The following COL22A1 variants were observed in gnomAD, a reference collection of about 807,000 sequenced individuals.
The protein encoded by COL22A1 is collagen alpha-1(XXII) chain.
Under a neutral mutation model 248.9 loss-of-function variants are expected in COL22A1, and 221 were observed. The observed-to-expected ratio is 0.89, with a 90% CI of 0.80 to 0.99. COL22A1 has a LOEUF of 0.99. Ranked by LOEUF, COL22A1 falls within the 50% of genes least tolerant of loss-of-function variation. The pLI is 0.00. For synonymous variants in COL22A1, 891 were observed against 793.4 expected (o/e 1.12, Z -2.07); for missense variants, 2,240 against 2,179.0 (o/e 1.03, Z -0.56).
Position 138,878,045 on chromosome 8 carries a change from G to A in COL22A1, c.363C>T (p.Leu121=). 6.3e-7 allele frequency: 1 copy of A among 1,593,258 alleles called. No homozygotes were observed. Among genetic ancestry groups the A allele is most frequent in the Non-Finnish European group, 8.5e-7 (1 of 1,170,452 alleles). ...HGGNTNTGDA[L]RYITARSFSP... ...AGAAGCTGCGGGCCGTGATGTAGCG[G>A]AGCGCGTCTCCCGTGTTGGTGTTGC... is the stretch of plus-strand genomic sequence containing the variant. Residue 121 remains leucine (L), a synonymous_variant, in exon 3 of 65, where the codon CTC becomes CTT. Coordinates refer to ENST00000303045, the MANE Select transcript of COL22A1 (RefSeq NM_152888.3).
intron 30 of COL22A1, 54 bp from the exon 31 acceptor site, chr8:138,703,401 T>C (rs959957284): frequency 3.3e-6 from 5 of 1,507,440 alleles, no homozygotes; most frequent in South Asian, 1.1e-5. Context: ...CAACTCTGCT[T>C]ATGCTGCAAC....
intron 5 of COL22A1, among the ~76,000 whole-genome samples, chr8:138,829,405 T>TTTTTG (rs1245946432): frequency 2.2e-5 from 3 of 133,694 alleles, no homozygotes; most frequent in Non-Finnish European, 3.2e-5. Context: ...CCTTTCCTGT[T>TTTTTG]TTTTTTTTTT....
At chr8:138,912,542 AC>A (rs1307396031) in intron 1 of COL22A1, among the ~76,000 whole-genome samples, 1 of 152,154 alleles carries the variant, frequency 6.6e-6, no homozygotes, top group Non-Finnish European at 1.5e-5. Flanking sequence ...GGAGTTGGAG[AC>A]CAGTCTGACC....
chr8:138,724,274 C>A (rs1830126337), intron 25 of COL22A1, among the ~76,000 whole-genome samples: 1 of 152,208 alleles, frequency 6.6e-6, no homozygotes, highest in Admixed American at 6.5e-5. Context: ...CTTCTGGTCC[C>A]CTCTGGGTAT....
At chr8:138,786,265 C>T (rs2131557488) in intron 12 of COL22A1, among the ~76,000 whole-genome samples, 1 of 152,290 alleles carries the variant, frequency 6.6e-6, no homozygotes, top group Non-Finnish European at 1.5e-5. Context: ...AAGAAGAGAA[C>T]TAGAGGTCTC....
rs375285644 is a variant in COL22A1 at position 138,877,658 on chromosome 8, G to T, written c.658+92C>A. Reference sequence around the variant, plus strand: ...TTCCCCCGCCTTCCTGGAGCCGGCCGTAGGATCCCTATCTGCCCGAGGACC... The same window carrying T: ...TTCCCCCGCCTTCCTGGAGCCGGCCTTAGGATCCCTATCTGCCCGAGGACC... On this transcript the variant is annotated intron_variant, in intron 3 of 64. Transcript: ENST00000303045. 1.5e-3 allele frequency: 1,955 copies of T among 1,312,008 alleles called. 28 individuals carry two copies. The African/African-American group carries it at 0.026, about 17-fold the overall frequency. The allele number at this position is 1,312,008 out of a possible 1,614,324, so 81.3% of individuals were successfully genotyped here.
intron 1 of COL22A1, among the ~76,000 whole-genome samples, chr8:138,908,383 T>A (rs1388245577): frequency 1.3e-5 from 2 of 152,246 alleles, no homozygotes; most frequent in African/African-American, 4.8e-5. Context: ...GTTGCACTTG[T>A]AAAAACATGC....
At chr8:138,760,081 T>A (rs758204624) in intron 18 of COL22A1, among the ~76,000 whole-genome samples, 162 bp downstream of exon 18, 1 of 152,120 alleles carries the variant, frequency 6.6e-6, no homozygotes, top group Non-Finnish European at 1.5e-5. Context: ...GCCAGAAATG[T>A]CTTATGTGAG....
chr8:138,623,385 G>T (rs1026277285), intron 52 of COL22A1, among the ~76,000 whole-genome samples: 2 of 151,520 alleles, frequency 1.3e-5, no homozygotes, highest in Non-Finnish European at 2.9e-5. Flanking sequence ...TCCTCCAGGC[G>T]ATGCTCATCT....
chr8:138,727,254 C>G (rs1830387171), intron 23 of COL22A1, among the ~76,000 whole-genome samples: 1 of 152,024 alleles, frequency 6.6e-6, no homozygotes, highest in South Asian at 2.1e-4. Flanking sequence ...TCTGGATACC[C>G]CCTCCCCTCC....
At chr8:138,908,643 C>G (rs535263259) in intron 1 of COL22A1, among the ~76,000 whole-genome samples, 2 of 152,258 alleles carry the variant, frequency 1.3e-5, no homozygotes, top group East Asian at 3.9e-4. Flanking sequence ...AAGGGGGTAA[C>G]AGCATAGTTA....
chr8:138,695,290 G>T (rs1315891389), intron 32 of COL22A1, among the ~76,000 whole-genome samples: 1 of 152,156 alleles, frequency 6.6e-6, no homozygotes, highest in African/African-American at 2.4e-5. Flanking sequence ...TTGAGAGGAG[G>T]AAGGGTCTTT....
chr8:138,614,929 C>T (rs1220266546), intron 55 of COL22A1, among the ~76,000 whole-genome samples: 1 of 152,170 alleles, frequency 6.6e-6, no homozygotes, highest in Non-Finnish European at 1.5e-5. Flanking sequence ...GGGGAAGAGT[C>T]CACTTCATCA....
At chr8:138,786,873 C>T (rs532550487) in intron 12 of COL22A1, among the ~76,000 whole-genome samples, 1 of 152,034 alleles carries the variant, frequency 6.6e-6, no homozygotes, top group African/African-American at 2.4e-5. Flanking sequence ...CACTGCACTC[C>T]AGCCTGGCAG....
intron 36 of COL22A1, among the ~76,000 whole-genome samples, chr8:138,689,569 GC>G (rs2130884620): frequency 6.6e-6 from 1 of 152,156 alleles, no homozygotes; most frequent in African/African-American, 2.4e-5. Context: ...ACAAAAATTA[GC>G]TGGGCATGGA....
intron 21 of COL22A1, among the ~76,000 whole-genome samples, chr8:138,752,147 C>T (rs1347765119): frequency 6.6e-6 from 1 of 152,146 alleles, no homozygotes; most frequent in African/African-American, 2.4e-5. Context: ...ACCTACTGAG[C>T]AGTTATGAAT....
intron 53 of COL22A1, among the ~76,000 whole-genome samples, chr8:138,619,161 A>G (rs1366280373): frequency 1.3e-5 from 2 of 152,212 alleles, no homozygotes; most frequent in Non-Finnish European, 2.9e-5. Flanking sequence ...TAAAATTAAG[A>G]TTCATTTTTA....
intron 41 of COL22A1, among the ~76,000 whole-genome samples, chr8:138,664,211 A>C (rs71512391): frequency 2.1e-5 from 1 of 47,920 alleles, no homozygotes; most frequent in East Asian, 5.5e-4. Context: ...GCGCGCGCGC[A>C]CACACACACA....
rs1007823304 is a variant in COL22A1 at position 138,783,172 on chromosome 8, C to T, written c.1597-2192G>A. On this transcript the variant is annotated intron_variant, in intron 12 of 64. Coordinates refer to ENST00000303045, the MANE Select transcript of COL22A1 (RefSeq NM_152888.3). The stretch of plus-strand genomic sequence containing the variant: ...GGCTGAACACCACCCCTCTGACCCT[C>T]GCTTAGAGGAGGGTGGGTACTTTGG... Among the ~76,000 whole-genome samples the T allele has an allele frequency of 5.3e-5, 8 of 152,064 alleles. No individual in the cohort carries two copies. In the East Asian group the frequency reaches 1.2e-3, roughly 22 times the overall value.
Sources: allele counts gnomAD v4.1 joint callset (sites outside exome capture counted in the v4.1 genomes callset), GRCh38; gene constraint gnomAD v4.1.1; transcripts MANE v1.5; gene names NCBI Gene and HGNC (gene_info 2026-07-23, HGNC 2026-07-21).